Variants in SGCD observed in about 807,000 individuals in gnomAD.
The protein encoded by SGCD is sarcoglycan delta, also known as delta-sarcoglycan.
A neutral mutation model predicts 36.6 loss-of-function variants in SGCD; 18 were observed. The observed-to-expected ratio is 0.49, with a 90% CI of 0.34 to 0.73. The LOEUF is 0.73. SGCD is among the 30% of genes least tolerant of loss of function. The probability of loss-of-function intolerance (pLI) is 0.01; values close to 1 mark genes in which losing one functional copy is unlikely to be tolerated. For missense variants in SGCD, 387 were observed against 346.7 expected, an observed-to-expected ratio of 1.12 and a Z score of -0.92; for synonymous variants, 133 against 130.6, an observed-to-expected ratio of 1.02 and a Z score of -0.12.
chr5:156,243,265 G>A (rs905810177), intron 3 of SGCD, among the ~76,000 whole-genome samples: 3 of 152,228 alleles, frequency 2.0e-5, no homozygotes, highest in Admixed American at 6.5e-5. Flanking sequence ...GGCACATGCG[G>A]GTGCCTGGTG....
At chr5:156,242,661 A>C (rs1765333649) in intron 3 of SGCD, among the ~76,000 whole-genome samples, 1 of 147,520 alleles carries the variant, frequency 6.8e-6, no homozygotes, top group African/African-American at 2.5e-5. Context: ...CTTTTTAATC[A>C]AAATAAAACA....
At chr5:156,165,642 C>T (rs1763195516) in intron 3 of SGCD, among the ~76,000 whole-genome samples, 1 of 152,128 alleles carries the variant, frequency 6.6e-6, no homozygotes, top group African/African-American at 2.4e-5. Context: ...GTGCTTCAGA[C>T]CTGGGTGATA....
In SGCD at chr5:156,762,654, G is replaced by GTAGT. The variant is rs1199180264; in HGVS notation, c.*3267_*3270dup. Reference sequence around the variant, plus strand: ...CAAATCTGACTTACCACCTTTTCCTGTAGTTAAAGTTTTATTGTCACATAG... The same window carrying GTAGT: ...CAAATCTGACTTACCACCTTTTCCTGTAGTTAGTTAAAGTTTTATTGTCACATAG... On this transcript the variant is annotated 3_prime_UTR_variant, in exon 9 of 9. Transcript: ENST00000337851. 1 of 152,620 alleles carries GTAGT rather than the reference G, an allele frequency of 6.6e-6. No individual in the cohort carries two copies. The highest frequency in any genetic ancestry group is 1.9e-4 in the East Asian group (1 of 5,192). 9.5% of individuals were successfully genotyped at this position (152,620 alleles called of 1,614,324 possible).
the SGCD span, among the ~76,000 whole-genome samples, chr5:155,760,218 T>C: frequency 1.9e-4 from 29 of 149,052 alleles, no homozygotes; most frequent in African/African-American, 6.7e-4. Context: ...CAACACCCTC[T>C]CCATCACCCT....
At chr5:155,943,052 T>G (rs1450030003) in intron 1 of SGCD, among the ~76,000 whole-genome samples, 2 of 152,198 alleles carry the variant, frequency 1.3e-5, no homozygotes, top group Non-Finnish European at 2.9e-5. Context: ...ACAGCTATGA[T>G]AGAGTTGAGG....
chr5:156,745,706 T>TA (rs1311387908), intron 7 of SGCD, among the ~76,000 whole-genome samples: 3 of 150,352 alleles, frequency 2.0e-5, no homozygotes, highest in Non-Finnish European at 4.4e-5. Context: ...ATTAACAGAG[T>TA]AAAAAATAAA....
the SGCD span, among the ~76,000 whole-genome samples, chr5:155,811,697 G>GA: frequency 6.6e-6 from 1 of 152,170 alleles, no homozygotes; most frequent in African/African-American, 2.4e-5. Flanking sequence ...AGAAATAATA[G>GA]ACACACACAA....
At chr5:155,864,197 A>C in the SGCD span, among the ~76,000 whole-genome samples, 9 of 152,184 alleles carry the variant, frequency 5.9e-5, no homozygotes, top group Non-Finnish European at 1.3e-4. Flanking sequence ...AATAGCATGG[A>C]AAATCAGGTG....
At chr5:155,841,278 G>C in the SGCD span, among the ~76,000 whole-genome samples, 2 of 152,114 alleles carry the variant, frequency 1.3e-5, no homozygotes, top group African/African-American at 4.8e-5. Context: ...TTTATGGTTG[G>C]ATTCAATGAA....
intron 7 of SGCD, among the ~76,000 whole-genome samples, chr5:156,717,944 GATCTGTAGGCATAA>G (rs1436624120): frequency 9.9e-5 from 15 of 152,074 alleles, no homozygotes; most frequent in African/African-American, 3.6e-4. Context: ...TGCCTCTAGG[GATCTGTAGGCATAA>G]GGTTCTTCCA....
At chr5:156,305,408 G>A (rs1056551710) in intron 3 of SGCD, among the ~76,000 whole-genome samples, 1 of 152,202 alleles carries the variant, frequency 6.6e-6, no homozygotes, top group Non-Finnish European at 1.5e-5. Context: ...CAGCTTTCAT[G>A]TGAGGTTGGG....
chr5:156,486,924 C>T (rs1037097156), intron 3 of SGCD, among the ~76,000 whole-genome samples: 1 of 152,146 alleles, frequency 6.6e-6, no homozygotes, highest in African/African-American at 2.4e-5. Context: ...GTTCACTGCC[C>T]CTGTTACCAC....
chr5:155,991,398 A>G (rs747241352), intron 1 of SGCD, among the ~76,000 whole-genome samples: 80 of 152,186 alleles, frequency 5.3e-4, no homozygotes, highest in Non-Finnish European at 9.0e-4. Context: ...TCTCCTAAAT[A>G]TCACAGTGAG....
At chr5:156,363,084 G>C (rs1272169130) in intron 3 of SGCD, among the ~76,000 whole-genome samples, 1 of 151,484 alleles carries the variant, frequency 6.6e-6, no homozygotes, top group Non-Finnish European at 1.5e-5. Context: ...ATGCTTATAT[G>C]GTTTAGTTTT....
chr5:156,367,648 C>G (rs1770175074), intron 3 of SGCD, among the ~76,000 whole-genome samples: 1 of 152,190 alleles, frequency 6.6e-6, no homozygotes, highest in South Asian at 2.1e-4. Flanking sequence ...ACACCATTCC[C>G]TCCTACAGTA....
intron 3 of SGCD, among the ~76,000 whole-genome samples, chr5:156,212,639 C>G (rs1196988200): frequency 1.3e-5 from 2 of 151,996 alleles, no homozygotes; most frequent in Non-Finnish European, 2.9e-5. Context: ...AAACTTTAGA[C>G]CAAATAGAAT....
chr5:155,908,918 T>G (rs1018792383), intron 1 of SGCD, among the ~76,000 whole-genome samples: 2 of 152,112 alleles, frequency 1.3e-5, no homozygotes, highest in African/African-American at 4.8e-5. Flanking sequence ...ACTTCTGAAA[T>G]AAAGGATGGA....
intron 3 of SGCD, among the ~76,000 whole-genome samples, chr5:156,396,978 T>G (rs1771890175): frequency 6.6e-6 from 1 of 152,210 alleles, no homozygotes; most frequent in African/African-American, 2.4e-5. Flanking sequence ...CAAAGACGAC[T>G]GGGGCATAAA....
intron 1 of SGCD, among the ~76,000 whole-genome samples, chr5:155,979,016 C>G (rs73810382): frequency 6.6e-6 from 1 of 152,084 alleles, no homozygotes; most frequent in Non-Finnish European, 1.5e-5. Context: ...CACAGAGTGT[C>G]TCCTTGGGGA....
Sources: allele counts gnomAD v4.1 joint callset (sites outside exome capture counted in the v4.1 genomes callset), GRCh38; gene constraint gnomAD v4.1.1; transcripts MANE v1.5; gene names NCBI Gene and HGNC (gene_info 2026-07-23, HGNC 2026-07-21).